POU6F2: variants seen among roughly 807,000 people sequenced by gnomAD.
POU6F2 encodes the protein POU domain, class 6, transcription factor 2.
POU6F2 carries 31 observed loss-of-function variants against 71.3 expected under a neutral mutation model. The ratio of observed to expected loss-of-function variants is 0.43; its 90% CI spans 0.33 to 0.59. The LOEUF (loss-of-function observed/expected upper bound fraction) is 0.59. POU6F2 is among the 20% of genes least tolerant of loss of function. The probability of loss-of-function intolerance (pLI) is 0.04; values close to 1 mark genes in which losing one functional copy is unlikely to be tolerated. For synonymous variants in POU6F2, 347 were observed against 355.7 expected, an observed-to-expected ratio of 0.98 and a Z score of 0.27; for missense variants, 783 against 856.8, an observed-to-expected ratio of 0.91 and a Z score of 1.07.
At chr7:38,996,170 G>T (rs975416168) in intron 1 of POU6F2, among the ~76,000 whole-genome samples, 2 of 151,328 alleles carry the variant, frequency 1.3e-5, no homozygotes, top group African/African-American at 4.9e-5. Flanking sequence ...CTCCTGAGTA[G>T]CTAGGATTAC....
At chr7:39,179,527 A>G (rs1189454204) in intron 2 of POU6F2, among the ~76,000 whole-genome samples, 3 of 151,876 alleles carry the variant, frequency 2.0e-5, no homozygotes, top group East Asian at 3.9e-4. Flanking sequence ...ACGCGCGCAC[A>G]TGCGCGCACA....
At chr7:39,394,102 T>A (rs1490856809) in intron 5 of POU6F2, among the ~76,000 whole-genome samples, 1 of 152,200 alleles carries the variant, frequency 6.6e-6, no homozygotes, top group Non-Finnish European at 1.5e-5. Flanking sequence ...GAATCTGAGA[T>A]CTCATAATAA....
At chr7:39,117,308 TC>T (rs955860602) in intron 2 of POU6F2, among the ~76,000 whole-genome samples, 2 of 152,034 alleles carry the variant, frequency 1.3e-5, no homozygotes, top group Non-Finnish European at 2.9e-5. Context: ...AAATTATACT[TC>T]CTAGGGAAAC....
intron 2 of POU6F2, among the ~76,000 whole-genome samples, chr7:39,086,628 T>G (rs1320686545): frequency 6.6e-6 from 1 of 152,170 alleles, no homozygotes; most frequent in African/African-American, 2.4e-5. Flanking sequence ...CCTCTACCCC[T>G]CTCCTTTTCC....
chr7:39,370,506 C>T (rs575518224), intron 5 of POU6F2, among the ~76,000 whole-genome samples: 2 of 149,876 alleles, frequency 1.3e-5, no homozygotes, highest in East Asian at 1.9e-4. Flanking sequence ...GACATTGGTG[C>T]GTGTGCTCCT....
intron 7 of POU6F2, among the ~76,000 whole-genome samples, chr7:39,442,395 A>T (rs1350908553): frequency 6.6e-6 from 1 of 152,226 alleles, no homozygotes; most frequent in Non-Finnish European, 1.5e-5. Flanking sequence ...GGGAGCCAAC[A>T]TCAGGAGAAT....
chr7:39,104,796 T>C (rs554617413), intron 2 of POU6F2, among the ~76,000 whole-genome samples: 2 of 152,350 alleles, frequency 1.3e-5, no homozygotes, highest in Admixed American at 6.5e-5. Flanking sequence ...ATTTATTTCT[T>C]TTCTGTCTCA....
At chr7:39,284,321 C>T (rs2128760493) in intron 4 of POU6F2, among the ~76,000 whole-genome samples, 1 of 152,264 alleles carries the variant, frequency 6.6e-6, no homozygotes, top group Middle Eastern at 3.4e-3. Flanking sequence ...ATAATAAACT[C>T]CTGTGAGCTC....
chr7:39,446,216 C>T (rs1235898858), intron 7 of POU6F2, among the ~76,000 whole-genome samples: 1 of 152,226 alleles, frequency 6.6e-6, no homozygotes, highest in Admixed American at 6.5e-5. Flanking sequence ...TATTCATTGC[C>T]TCCATTGCAG....
intron 4 of POU6F2, among the ~76,000 whole-genome samples, chr7:39,227,757 C>T (rs1162596828): frequency 1.3e-5 from 2 of 152,028 alleles, no homozygotes; most frequent in African/African-American, 4.8e-5. Flanking sequence ...CGGGGTTTCA[C>T]TGTGTTAGCG....
intron 1 of POU6F2, among the ~76,000 whole-genome samples, chr7:39,048,691 GTA>G (rs1790342199): frequency 6.6e-6 from 1 of 152,014 alleles, no homozygotes; most frequent in East Asian, 1.9e-4. Flanking sequence ...ATTCCTTTGT[GTA>G]TATACCCAAT....
At chr7:39,259,252 G>GA (rs926209643) in intron 4 of POU6F2, among the ~76,000 whole-genome samples, 2 of 152,022 alleles carry the variant, frequency 1.3e-5, no homozygotes, top group African/African-American at 2.4e-5. Context: ...TCTCTATCGA[G>GA]AAAAAAATAA....
chr7:39,086,297 A>G (rs189864050), intron 2 of POU6F2, among the ~76,000 whole-genome samples: 23 of 152,284 alleles, frequency 1.5e-4, no homozygotes, highest in African/African-American at 5.3e-4. Flanking sequence ...ATTGTTTGGA[A>G]AAAAATAGAA....
intron 4 of POU6F2, among the ~76,000 whole-genome samples, chr7:39,212,337 A>C (rs887534759): frequency 6.6e-6 from 1 of 152,168 alleles, no homozygotes; most frequent in Non-Finnish European, 1.5e-5. Context: ...AAGGACTGAA[A>C]CAAATTCTGA....
chr7:39,341,342 A>C (rs1286396617), intron 5 of POU6F2, among the ~76,000 whole-genome samples: 2 of 152,140 alleles, frequency 1.3e-5, no homozygotes, highest in Admixed American at 1.3e-4. Context: ...GAACATTTTC[A>C]TGAGTGGAGT....
At chr7:39,418,401 T>G (rs1787731741) in intron 6 of POU6F2, among the ~76,000 whole-genome samples, 3 of 152,142 alleles carry the variant, frequency 2.0e-5, no homozygotes, top group Admixed American at 2.0e-4. Flanking sequence ...CTCAGAAAAG[T>G]TAAACAGGTC....
intron 4 of POU6F2, among the ~76,000 whole-genome samples, chr7:39,325,886 A>G (rs1372337147): frequency 6.6e-6 from 1 of 152,206 alleles, no homozygotes; most frequent in Non-Finnish European, 1.5e-5. Context: ...TTTTATTAAC[A>G]CAGGAATATA....
chr7:39,230,391 A>G (rs1485864812), intron 4 of POU6F2, among the ~76,000 whole-genome samples: 1 of 152,156 alleles, frequency 6.6e-6, no homozygotes, highest in Non-Finnish European at 1.5e-5. Context: ...AGACTGAGGC[A>G]AAGGACCACA....
chr7:39,053,447 T>C (rs935700698), intron 1 of POU6F2, among the ~76,000 whole-genome samples: 4 of 152,090 alleles, frequency 2.6e-5, no homozygotes, highest in African/African-American at 9.7e-5. Context: ...TACTTTTCTC[T>C]TTTTTCATAC....
Sources: allele counts gnomAD v4.1 joint callset (sites outside exome capture counted in the v4.1 genomes callset), GRCh38; gene constraint gnomAD v4.1.1; transcripts MANE v1.5; gene names NCBI Gene and HGNC (gene_info 2026-07-23, HGNC 2026-07-21).